Variants in NFKBID observed in about 807,000 individuals in gnomAD.
NFKBID encodes the protein NF-kappa-B inhibitor delta.
NFKBID carries 26 observed loss-of-function variants against 53.4 expected under a neutral mutation model. The ratio of observed to expected loss-of-function variants is 0.49; its 90% CI spans 0.36 to 0.68. The LOEUF is 0.68. Ranked by LOEUF, NFKBID falls within the 30% of genes least tolerant of loss-of-function variation. The pLI, the probability that NFKBID is intolerant of heterozygous loss-of-function variation, is 0.00. For synonymous variants in NFKBID, 262 were observed against 259.8 expected (o/e 1.01, Z -0.08); for missense variants, 493 against 614.1 (o/e 0.80, Z 2.08).
Position 35,897,858 on chromosome 19 carries a change from T to C in NFKBID, c.227-2A>G, listed in dbSNP as rs1342528430. ...AGTGTGCTGGGAAGGGAGGGTGGCCTGCGTGTAAGAGGAGGGGCAGGGGCA... is the reference window on the plus strand; with the variant it reads ...AGTGTGCTGGGAAGGGAGGGTGGCCCGCGTGTAAGAGGAGGGGCAGGGGCA... On this transcript the variant is annotated splice_acceptor_variant, in intron 3 of 11. Coordinates refer to ENST00000641389, the Ensembl canonical transcript of NFKBID. LOFTEE classifies it high-confidence loss of function. The C allele has an allele frequency of 1.9e-6, 3 of 1,541,088 alleles. No homozygotes were observed. The East Asian group carries it at 7.3e-5, about 37-fold the overall frequency.
intron 4 of NFKBID, among the ~76,000 whole-genome samples, chr19:35,897,277 C>CA (rs1975245131): frequency 6.6e-6 from 1 of 151,144 alleles, no homozygotes; most frequent in South Asian, 2.1e-4. Flanking sequence ...TTTTCGGTGA[C>CA]AGAGTCTTGC....
upstream of NFKBID, chr19:35,902,171 C>G: frequency 1.4e-6 from 1 of 703,082 alleles, no homozygotes; most frequent in Non-Finnish European, 2.6e-6. Flanking sequence ...TCGTCACTTT[C>G]CCCGCAAACC....
At chr19:35,891,872 A>G (rs1974791261) in intron 9 of NFKBID, among the ~76,000 whole-genome samples, 1 of 151,858 alleles carries the variant, frequency 6.6e-6, no homozygotes, top group Non-Finnish European at 1.5e-5. Flanking sequence ...GTCTCAAAAA[A>G]AAAAAGCTAT....
chr19:35,891,667 G>A (rs1273104431), intron 9 of NFKBID, among the ~76,000 whole-genome samples: 2 of 152,036 alleles, frequency 1.3e-5, no homozygotes, highest in South Asian at 2.1e-4. Context: ...TCAAGAGTTC[G>A]AGACCAGCCT....
chr19:35,894,208 G>A (rs905204336), intron 9 of NFKBID, among the ~76,000 whole-genome samples: 2 of 152,058 alleles, frequency 1.3e-5, no homozygotes, highest in African/African-American at 2.4e-5. Context: ...GCAGTAAGCC[G>A]AGATCATGCC....
At chr19:35,894,985 C>T (rs1311606909) in intron 9 of NFKBID, among the ~76,000 whole-genome samples, 3 of 151,554 alleles carry the variant, frequency 2.0e-5, no homozygotes, top group African/African-American at 7.3e-5. Context: ...AAGAGCAAAA[C>T]TCCATCTCAA....
chr19:35,896,258 G>T lies in NFKBID; in HGVS notation c.843C>A (p.Asn281Lys). Reference sequence around the variant, plus strand: ...CTTCCAGGTCAACCTGGACCCCAGAGTTAAGCACAGCCTGGGAGGAAGAGA... The same window carrying T: ...CTTCCAGGTCAACCTGGACCCCAGATTTAAGCACAGCCTGGGAGGAAGAGA... Residue 281 changes from asparagine (N) to lysine (K), a missense_variant, in exon 8 of 12, where the codon AAC (asparagine) becomes AAA (lysine). Around this residue, in one of 2 missense-constraint regions of NFKBID, gnomAD observed 267 missense variants for 384.6 expected, o/e 0.69. Coordinates refer to ENST00000641389, the Ensembl canonical transcript of NFKBID. This position sits in a 1 kb window ranked among gnomAD's most constrained non-coding sequence, Gnocchi z 5.7. The T allele has an allele frequency of 6.2e-7, 1 of 1,614,236 alleles. No homozygotes were observed. The highest frequency in any genetic ancestry group is 8.5e-7 in the Non-Finnish European group (1 of 1,180,042).
In NFKBID at chr19:35,889,857, G is replaced by A. The variant is rs898223210; in HGVS notation, c.1314+33C>T. 3.2e-6 allele frequency: 5 copies of A among 1,570,594 alleles called. No homozygotes were observed. The African/African-American group carries it at 4.1e-5, about 13-fold the overall frequency. On this transcript the variant is annotated intron_variant, in intron 11 of 11. Transcript: ENST00000641389. ...TCATCCCGCGCCCGCGAGCTCAGAG[G>A]CCACTCTACAGGCAGGCTCAGTGCT...
At chr19:35,890,130 G>C in intron 10 of NFKBID, 76 bp from the exon 11 acceptor site, 1 of 1,426,326 alleles carries the variant, frequency 7.0e-7, no homozygotes, top group Non-Finnish European at 9.5e-7. Flanking sequence ...TTCAATTTCT[G>C]CCTTGTCTAC....
Position 35,896,919 on chromosome 19 carries a change from C to G in NFKBID, c.572G>C (p.Gly191Ala). 6.2e-7 allele frequency: 1 copy of G among 1,607,664 alleles called. No homozygotes were observed. Among genetic ancestry groups the G allele is most frequent in the Non-Finnish European group, 8.5e-7 (1 of 1,175,772 alleles). Residue 191 changes from glycine to alanine, a missense_variant, in exon 5 of 12, where the codon GGG (glycine) becomes GCG (alanine). By Grantham distance (60) the Gly-to-Ala change is moderately conservative (BLOSUM62 0). Coordinates refer to ENST00000641389, the Ensembl canonical transcript of NFKBID. This position sits in a 1 kb window ranked among gnomAD's most constrained non-coding sequence, Gnocchi z 5.7. The stretch of plus-strand genomic sequence containing the variant: ...CCCTATCCCTTATACTCACGTGTCC[C>G]CCTCCTCATCCTGGGCCAGCAGCTG...
chr19:35,888,474 T>A, exon 12 of NFKBID: 1 of 966,118 alleles, frequency 1.0e-6, no homozygotes, highest in Non-Finnish European at 1.6e-6. Flanking sequence ...ACATACATTA[T>A]CATGGGTTTG....
intron 11 of NFKBID, 45 bp downstream of exon 11, chr19:35,889,843 CCG>C (rs746207296): frequency 6.4e-7 from 1 of 1,551,486 alleles, no homozygotes; most frequent in Non-Finnish European, 8.7e-7. Flanking sequence ...CATCCCGCGC[CCG>C]CGAGCTCAGA....
intron 9 of NFKBID, among the ~76,000 whole-genome samples, chr19:35,891,885 T>A (rs1328809876): frequency 1.3e-5 from 2 of 151,538 alleles, no homozygotes; most frequent in African/African-American, 4.8e-5. Context: ...AAAGCTATGT[T>A]TTTTGTTTGT....
At chr19:35,893,904 T>C (rs144472842) in intron 9 of NFKBID, among the ~76,000 whole-genome samples, 94 of 152,180 alleles carry the variant, frequency 6.2e-4, no homozygotes, top group African/African-American at 2.1e-3. Context: ...GTTGGACATA[T>C]GGAGTTCATT....
In NFKBID at chr19:35,889,855, AGGCCACTCTACAGGCAGGCTCAGT is replaced by A; in HGVS notation, c.1314+11_1314+34del. The A allele has an allele frequency of 1.9e-6, 3 of 1,568,586 alleles. No homozygotes were observed. The highest frequency in any genetic ancestry group is 2.6e-6 in the Non-Finnish European group (3 of 1,151,398). On this transcript the variant is annotated intron_variant, in intron 11 of 11. Coordinates refer to ENST00000641389, the Ensembl canonical transcript of NFKBID. ...GGTCATCCCGCGCCCGCGAGCTCAG[AGGCCACTCTACAGGCAGGCTCAGT>A]GCTTACTTACCCCCTCAGGGCCCGG...
chr19:35,888,201 A>T, downstream of NFKBID: 1 of 232,632 alleles, frequency 4.3e-6, no homozygotes. Flanking sequence ...TGCCCCAAGC[A>T]CCACGTAGGG....
At chr19:35,900,827 C>CTTTTTTTT (rs60365058), upstream of NFKBID, among the ~76,000 whole-genome samples, 44 of 107,586 alleles carry the variant, frequency 4.1e-4, no homozygotes, top group South Asian at 1.2e-3. Context: ...TTTTTCTTTT[C>CTTTTTTTT]TTTTTTTTTT....
upstream of NFKBID, among the ~76,000 whole-genome samples, chr19:35,901,349 C>T (rs973361823): frequency 2.0e-5 from 3 of 152,098 alleles, no homozygotes; most frequent in South Asian, 2.1e-4. Flanking sequence ...TCCCTCTCCC[C>T]TACATCACCC....
intron 9 of NFKBID, among the ~76,000 whole-genome samples, chr19:35,894,274 AT>A (rs1444928776): frequency 6.6e-6 from 1 of 151,594 alleles, no homozygotes; most frequent in Non-Finnish European, 1.5e-5. Context: ...ATAAATAAAC[AT>A]TTTTTGTGGA....
Sources: allele counts gnomAD v4.1 joint callset (sites outside exome capture counted in the v4.1 genomes callset), GRCh38; gene constraint gnomAD v4.1.1; regional missense constraint gnomAD v4.1.1; non-coding constraint Gnocchi (gnomAD v3.1); transcripts MANE v1.5; gene names NCBI Gene and HGNC (gene_info 2026-07-23, HGNC 2026-07-21).